RPTOR: variants seen among roughly 807,000 people sequenced by gnomAD.
The protein encoded by RPTOR is regulatory-associated protein of mTOR.
Under a neutral mutation model 169.9 loss-of-function variants are expected in RPTOR, and 21 were observed. The ratio of observed to expected loss-of-function variants is 0.12; its 90% CI spans 0.09 to 0.18. The LOEUF (loss-of-function observed/expected upper bound fraction) is 0.18, where lower values mean the gene tolerates loss of function less well. RPTOR is among the 10% of genes least tolerant of loss of function. The pLI, the probability that RPTOR is intolerant of heterozygous loss-of-function variation, is 1.00. For synonymous variants in RPTOR, 732 were observed against 753.2 expected (o/e 0.97, Z 0.46); for missense variants, 1,133 against 1,855.9 (o/e 0.61, Z 7.16).
intron 20 of RPTOR, among the ~76,000 whole-genome samples, chr17:80,907,644 C>T (rs180926640): frequency 0.018 from 2,549 of 143,998 alleles, 42 homozygotes; most frequent in Middle Eastern, 0.037. Flanking sequence ...CCTGCCCCCC[C>T]TTCTGGTTTC....
intron 16 of RPTOR, among the ~76,000 whole-genome samples, chr17:80,884,627 G>A (rs1226762775): frequency 1.3e-5 from 2 of 152,128 alleles, no homozygotes; most frequent in Non-Finnish European, 2.9e-5. Flanking sequence ...GGGCCCCCAT[G>A]CCCCTCTGCG....
chr17:80,739,978 A>G (rs1598269633), intron 5 of RPTOR, among the ~76,000 whole-genome samples: 2 of 152,216 alleles, frequency 1.3e-5, no homozygotes, highest in Non-Finnish European at 1.5e-5. Context: ...AACAATGGAG[A>G]AATATTAAAA....
chr17:80,891,902 C>T, intron 18 of RPTOR, 65 bp downstream of exon 18: 1 of 1,132,796 alleles, frequency 8.8e-7, no homozygotes, highest in Non-Finnish European at 1.3e-6. Flanking sequence ...CAGGCCGCGG[C>T]CCAGTCTTGC....
chr17:80,920,161 T>C (rs1480025642), intron 21 of RPTOR, among the ~76,000 whole-genome samples: 1 of 152,222 alleles, frequency 6.6e-6, no homozygotes, highest in Non-Finnish European at 1.5e-5. Context: ...CAGCTCCTGC[T>C]CGCTGCGTAC....
In RPTOR at chr17:80,892,221, C is replaced by T. The variant is rs377032810; in HGVS notation, c.2101+384C>T. ...GTCATGTCAGGCGTGCTTTCTCACACGTGTCGTTTTGACTGGAGAGTACAG... is the reference window on the plus strand; with the variant it reads ...GTCATGTCAGGCGTGCTTTCTCACATGTGTCGTTTTGACTGGAGAGTACAG... On this transcript the variant is annotated intron_variant, in intron 18 of 33. Transcript: ENST00000306801. Among the ~76,000 whole-genome samples, 36 of 152,236 alleles carry T rather than the reference C, an allele frequency of 2.4e-4. 1 individual carries two copies. In the South Asian group the frequency reaches 7.5e-3, roughly 32 times the overall value.
chr17:80,910,034 T>C (rs1183669080), intron 21 of RPTOR, among the ~76,000 whole-genome samples: 2 of 152,156 alleles, frequency 1.3e-5, no homozygotes, highest in Non-Finnish European at 2.9e-5. Flanking sequence ...GCCTCATGGG[T>C]TGTCACTCTA....
intron 9 of RPTOR, among the ~76,000 whole-genome samples, chr17:80,829,090 G>C (rs554165150): frequency 1.3e-5 from 2 of 152,310 alleles, no homozygotes; most frequent in African/African-American, 4.8e-5. Flanking sequence ...TATTACTTTG[G>C]TTAATTAAAA....
At chr17:80,881,144 CA>C (rs1396664243) in intron 14 of RPTOR, among the ~76,000 whole-genome samples, 2 of 152,108 alleles carry the variant, frequency 1.3e-5, no homozygotes, top group African/African-American at 4.8e-5. Flanking sequence ...AATATTTAAA[CA>C]TATTAGCTAG....
intron 21 of RPTOR, among the ~76,000 whole-genome samples, chr17:80,916,958 A>G (rs1480114940): frequency 6.6e-6 from 1 of 152,126 alleles, no homozygotes; most frequent in African/African-American, 2.4e-5. Flanking sequence ...ACTGCACTCC[A>G]GCCTGGCAAC....
intron 23 of RPTOR, chr17:80,924,142 C>A (rs897942888): frequency 6.0e-6 from 1 of 166,394 alleles, no homozygotes; most frequent in Non-Finnish European, 1.3e-5. Context: ...TAAATAGGTA[C>A]ACTCTCTTTG....
chr17:80,849,581 G>A (rs905858243), intron 11 of RPTOR, among the ~76,000 whole-genome samples: 4 of 152,158 alleles, frequency 2.6e-5, no homozygotes, highest in African/African-American at 9.7e-5. Flanking sequence ...GTGCAGTGGC[G>A]CGGTCTCAGC....
chr17:80,869,813 CAG>C (rs770003046), intron 13 of RPTOR, among the ~76,000 whole-genome samples: 18 of 152,264 alleles, frequency 1.2e-4, no homozygotes, highest in Middle Eastern at 6.8e-3. Context: ...CAGAAAAACA[CAG>C]GGGATCAGGG....
chr17:80,858,371 C>T (rs1027375274), intron 13 of RPTOR, among the ~76,000 whole-genome samples: 23 of 152,352 alleles, frequency 1.5e-4, no homozygotes, highest in African/African-American at 5.1e-4. Flanking sequence ...GGCCAGGCCC[C>T]GAGGTGTTAG....
chr17:80,632,676 G>A lies in RPTOR; in HGVS notation c.265+6883G>A, dbSNP rs1156317275. 2.0e-5 allele frequency among the ~76,000 whole-genome samples: 3 copies of A among 152,270 alleles called. No homozygotes were observed. In the East Asian group the frequency reaches 5.8e-4, roughly 29 times the overall value. ...TTATTTGGCCTTTATTAAAAAATGG[G>A]TAGGTTCCTGGTCCTGGTGATGGTG... is the stretch of plus-strand genomic sequence containing the variant. On this transcript the variant is annotated intron_variant, in intron 2 of 33. Coordinates refer to ENST00000306801, the MANE Select transcript of RPTOR (RefSeq NM_020761.3).
At chr17:80,635,052 C>G (rs1001398836) in intron 2 of RPTOR, among the ~76,000 whole-genome samples, 1 of 152,226 alleles carries the variant, frequency 6.6e-6, no homozygotes, top group Admixed American at 6.5e-5. Flanking sequence ...ATATTTGTAG[C>G]TCCATCTTCT....
Position 80,823,108 on chromosome 17 carries a change from T to C in RPTOR, c.1021T>C (p.Leu341=). 1 of 1,614,260 alleles carries C rather than the reference T, an allele frequency of 6.2e-7. No individual in the cohort carries two copies. Among genetic ancestry groups the C allele is most frequent in the Non-Finnish European group, 8.5e-7 (1 of 1,180,040 alleles). Residue 341 remains leucine, a synonymous_variant, in exon 9 of 34, where the codon TTG becomes CTG. Transcript: ENST00000306801. The surrounding 1 kb of genome is among the most constrained non-coding windows in gnomAD (Gnocchi z 4.5). The part of the protein sequence containing the change: ...DLFQKLFRQD[L]LVASLFRNFL... ...CTTCCAAAAGCTCTTCAGACAGGAC[T>C]TGCTGGTGGCTAGTCTGTTTCGAAA...
At chr17:80,932,114 T>G (rs1465828077) in intron 24 of RPTOR, among the ~76,000 whole-genome samples, 1 of 150,228 alleles carries the variant, frequency 6.7e-6, no homozygotes, top group Non-Finnish European at 1.5e-5. Context: ...TTTAACAGTC[T>G]AGTAATAGAG....
intron 7 of RPTOR, among the ~76,000 whole-genome samples, chr17:80,794,603 C>G (rs150734011): frequency 6.6e-6 from 1 of 152,178 alleles, no homozygotes; most frequent in Admixed American, 6.5e-5. Context: ...ACACAAAAAC[C>G]TGTGCGTGAA....
At chr17:80,802,833 A>T (rs1052073110) in intron 7 of RPTOR, 1 of 152,196 alleles carries the variant, frequency 6.6e-6, no homozygotes, top group Non-Finnish European at 1.5e-5. Context: ...GTCATCTCAG[A>T]CGGCTCAGTA....
Sources: allele counts gnomAD v4.1 joint callset (sites outside exome capture counted in the v4.1 genomes callset), GRCh38; gene constraint gnomAD v4.1.1; non-coding constraint Gnocchi (gnomAD v3.1); transcripts MANE v1.5; gene names NCBI Gene and HGNC (gene_info 2026-07-23, HGNC 2026-07-21).